The following PTPRN2 variants were observed in gnomAD, a reference collection of about 807,000 sequenced individuals.
PTPRN2 encodes the protein receptor-type tyrosine-protein phosphatase N2.
A neutral mutation model predicts 118.8 loss-of-function variants in PTPRN2; 74 were observed. That is an observed-to-expected ratio of 0.62 (90% CI 0.52 to 0.76). The LOEUF (loss-of-function observed/expected upper bound fraction) is 0.76, where lower values mean the gene tolerates loss of function less well. PTPRN2 is among the 30% of genes least tolerant of loss of function. The pLI, the probability that PTPRN2 is intolerant of heterozygous loss-of-function variation, is 0.00. For synonymous variants in PTPRN2, 641 were observed against 608.0 expected (o/e 1.05, Z -0.80); for missense variants, 1,481 against 1,394.4 (o/e 1.06, Z -0.99).
chr7:158,470,586 G>A (rs536421041), intron 2 of PTPRN2, among the ~76,000 whole-genome samples: 11 of 152,298 alleles, frequency 7.2e-5, no homozygotes, highest in Middle Eastern at 3.4e-3. Context: ...GTAGCGTTGC[G>A]TCACCCCGAC....
intron 11 of PTPRN2, among the ~76,000 whole-genome samples, chr7:157,934,156 T>G (rs1257910692): frequency 6.6e-6 from 1 of 152,228 alleles, no homozygotes; most frequent in African/African-American, 2.4e-5. Flanking sequence ...TGACGTTCAC[T>G]GGTATCACTT....
At chr7:158,172,783 C>A (rs1182580541) in intron 5 of PTPRN2, among the ~76,000 whole-genome samples, 1 of 149,754 alleles carries the variant, frequency 6.7e-6, no homozygotes, top group African/African-American at 2.5e-5. Context: ...CAGCAGCATC[C>A]CACCATCATC....
chr7:157,661,090 G>A (rs1585195666), intron 13 of PTPRN2, among the ~76,000 whole-genome samples: 1 of 152,244 alleles, frequency 6.6e-6, no homozygotes, highest in South Asian at 2.1e-4. Flanking sequence ...AGCCGACATC[G>A]CCTCCTCCGG....
At chr7:158,473,474 G>A (rs1040068637) in intron 2 of PTPRN2, among the ~76,000 whole-genome samples, 12 of 152,212 alleles carry the variant, frequency 7.9e-5, no homozygotes, top group Admixed American at 1.3e-4. Context: ...CACCCTGATT[G>A]AGAAGCCTGC....
intron 19 of PTPRN2, among the ~76,000 whole-genome samples, chr7:157,576,059 T>C (rs111372745): frequency 0.019 from 2,825 of 152,228 alleles, 90 homozygotes; most frequent in African/African-American, 0.065. Flanking sequence ...GTTCAGTAAA[T>C]ACACTCTCAA....
At chr7:158,149,514 A>G (rs182591876) in intron 6 of PTPRN2, among the ~76,000 whole-genome samples, 370 of 152,228 alleles carry the variant, frequency 2.4e-3, no homozygotes, top group Non-Finnish European at 4.4e-3. Flanking sequence ...TTTTAAAAAG[A>G]TAAGCCCGGC....
intron 12 of PTPRN2, among the ~76,000 whole-genome samples, chr7:157,766,210 T>C (rs61695380): frequency 0.25 from 35,790 of 146,056 alleles, 5,305 homozygotes; most frequent in African/African-American, 0.41. Flanking sequence ...CATCCATCCA[T>C]CCACCCACAC....
In PTPRN2 at chr7:158,438,998, T is replaced by C. The variant is rs116615133; in HGVS notation, c.163+50737A>G. ...ATTGCTCCCTCTCCCCTATTGCTTA[T>C]GTAAAAATGCAGATTCACTGAGCCA... On this transcript the variant is annotated intron_variant, in intron 2 of 22. Coordinates refer to ENST00000389418, the MANE Select transcript of PTPRN2 (RefSeq NM_002847.5). This position sits in a 1 kb window ranked among gnomAD's most constrained non-coding sequence, Gnocchi z 4.7. Among the ~76,000 whole-genome samples, 849 of 152,298 alleles carry C rather than the reference T, an allele frequency of 5.6e-3. 8 individuals are homozygous for C. The highest frequency in any genetic ancestry group is 0.02 in the African/African-American group (820 of 41,566).
At chr7:157,775,894 G>T (rs964661484) in intron 12 of PTPRN2, among the ~76,000 whole-genome samples, 1 of 152,196 alleles carries the variant, frequency 6.6e-6, no homozygotes, top group East Asian at 1.9e-4. Context: ...CAGTAACGCC[G>T]CTGTCTCTGT....
intron 3 of PTPRN2, among the ~76,000 whole-genome samples, chr7:158,281,781 G>T (rs932224243): frequency 6.6e-6 from 1 of 152,234 alleles, no homozygotes; most frequent in Non-Finnish European, 1.5e-5. Context: ...CTCCTAGAAA[G>T]GAAGTTTCTT....
At chr7:157,677,104 C>T (rs1332143360) in intron 13 of PTPRN2, among the ~76,000 whole-genome samples, 1 of 152,126 alleles carries the variant, frequency 6.6e-6, no homozygotes, top group Non-Finnish European at 1.5e-5. Flanking sequence ...ACCTCCTTTC[C>T]TGCGCCCCTC....
intron 3 of PTPRN2, among the ~76,000 whole-genome samples, chr7:158,281,750 A>G (rs1173212694): frequency 6.6e-6 from 1 of 152,104 alleles, no homozygotes; most frequent in African/African-American, 2.4e-5. Context: ...GAGCCAGGAG[A>G]GCCCAAAATC....
chr7:158,134,233 G>A (rs903669161), intron 8 of PTPRN2, among the ~76,000 whole-genome samples, 174 bp from the exon 9 acceptor site: 22 of 152,272 alleles, frequency 1.4e-4, no homozygotes, highest in African/African-American at 4.3e-4. Flanking sequence ...ATGTCTAGCC[G>A]AGCATGAGGT....
chr7:158,202,982 C>T (rs1256771957), intron 4 of PTPRN2, among the ~76,000 whole-genome samples: 1 of 151,792 alleles, frequency 6.6e-6, no homozygotes, highest in Non-Finnish European at 1.5e-5. Flanking sequence ...GCCTGTAATC[C>T]TAGCACTCTG....
intron 21 of PTPRN2, among the ~76,000 whole-genome samples, chr7:157,567,237 T>C (rs1224053849): frequency 2.0e-5 from 3 of 152,370 alleles, no homozygotes; most frequent in South Asian, 4.1e-4. Flanking sequence ...GATTGTGTCA[T>C]GTCCAAAACA....
intron 10 of PTPRN2, among the ~76,000 whole-genome samples, chr7:158,082,682 T>TA (rs1186902301): frequency 2.0e-5 from 3 of 152,248 alleles, no homozygotes; most frequent in African/African-American, 7.2e-5. Context: ...ATGCCAGGAA[T>TA]ATCCAGCTAG....
intron 11 of PTPRN2, among the ~76,000 whole-genome samples, chr7:158,021,688 G>A (rs1806883365): frequency 6.6e-6 from 1 of 152,114 alleles, no homozygotes; most frequent in Admixed American, 6.5e-5. Flanking sequence ...GCCAACCAAG[G>A]AGAGGGGCCT....
intron 5 of PTPRN2, among the ~76,000 whole-genome samples, chr7:158,191,548 G>C (rs6956043): frequency 6.6e-6 from 1 of 152,156 alleles, no homozygotes; most frequent in African/African-American, 2.4e-5. Context: ...TCCAGGCAAT[G>C]TGGGACCTGT....
At chr7:158,441,241 TGAA>T (rs879333776) in intron 2 of PTPRN2, among the ~76,000 whole-genome samples, 17,501 of 118,330 alleles carry the variant, frequency 0.15, 2,703 homozygotes, top group Non-Finnish European at 0.2. Context: ...GTGATGGCAA[TGAA>T]GGTGATGGTG....
Sources: gnomAD v4.1 joint callset for allele counts (sites outside exome capture counted in the v4.1 genomes callset) on GRCh38, gnomAD v4.1.1 for gene constraint, Gnocchi (gnomAD v3.1) non-coding constraint, MANE v1.5 for transcripts, NCBI Gene and HGNC (gene_info 2026-07-23, HGNC 2026-07-21) for gene names.